The following DGKB variants were observed in gnomAD, a reference collection of about 807,000 sequenced individuals.
DGKB encodes the protein 90 kDa diacylglycerol kinase.
In DGKB, 67 loss-of-function variants were observed where a neutral mutation model predicts 114.3. The observed-to-expected ratio is 0.59, with a 90% CI of 0.48 to 0.72. The LOEUF is 0.72. Ranked by LOEUF, DGKB falls within the 30% of genes least tolerant of loss-of-function variation. The pLI, the probability that DGKB is intolerant of heterozygous loss-of-function variation, is 0.00. For missense variants in DGKB, 907 were observed against 975.2 expected, an observed-to-expected ratio of 0.93 and a Z score of 0.93; for synonymous variants, 398 against 323.1, an observed-to-expected ratio of 1.23 and a Z score of -2.49.
At position 14,356,352 on chromosome 7, in the gene DGKB, C is replaced by CTTTTTTTTT. The variant is rs997102742; in HGVS notation, c.1836-10970_1836-10962dup. On this transcript the variant is annotated intron_variant, in intron 21 of 25. Coordinates refer to ENST00000402815, the MANE Select transcript of DGKB (RefSeq NM_001350709.2). ...TTTGTTTGCTCTTGCTTCTCTAGTTCTTTTTTTTTTTTTTTTTTTTTTTTT... is the reference window on the plus strand; with the variant it reads ...TTTGTTTGCTCTTGCTTCTCTAGTTCTTTTTTTTTTTTTTTTTTTTTTTTTTTTTTTTTT... Among the ~76,000 whole-genome samples, 24 of 77,222 alleles carry CTTTTTTTTT rather than the reference C, an allele frequency of 3.1e-4. 1 individual carries two copies. The highest frequency in any genetic ancestry group is 3.8e-4 in the East Asian group (1 of 2,602). The allele number at this position is 77,222 out of a possible 152,430, so 50.7% of individuals were successfully genotyped here.
intron 25 of DGKB, 42 bp from the exon 26 acceptor site, chr7:14,149,280 A>C: frequency 7.0e-7 from 1 of 1,436,394 alleles, no homozygotes; most frequent in Non-Finnish European, 9.7e-7. Context: ...GAATAGAGTA[A>C]TCTCCAGATA....
chr7:14,344,962 A>G (rs567588898), intron 22 of DGKB, among the ~76,000 whole-genome samples: 1 of 151,682 alleles, frequency 6.6e-6, no homozygotes, highest in Admixed American at 6.6e-5. Context: ...CCCGAAAATA[A>G]TATTTTTTAT....
At chr7:14,179,906 T>A (rs1782384102) in intron 23 of DGKB, among the ~76,000 whole-genome samples, 1 of 152,222 alleles carries the variant, frequency 6.6e-6, no homozygotes, top group South Asian at 2.1e-4. Context: ...TGAAACTTAT[T>A]CTGTGTTTCT....
intron 21 of DGKB, among the ~76,000 whole-genome samples, chr7:14,389,397 A>C (rs1016534252): frequency 6.6e-6 from 1 of 152,186 alleles, no homozygotes; most frequent in South Asian, 2.1e-4. Flanking sequence ...AGCTTGGTGA[A>C]CTTGAGAGCT....
chr7:14,273,121 G>T (rs1207323858), intron 23 of DGKB, among the ~76,000 whole-genome samples: 1 of 152,126 alleles, frequency 6.6e-6, no homozygotes, highest in Non-Finnish European at 1.5e-5. Context: ...GAGGCAGGTG[G>T]ATGGCTTGAG....
In DGKB at chr7:14,201,075, AAAC is replaced by A. The variant is rs540695171; in HGVS notation, c.2123-22927_2123-22925del. 2.7e-3 allele frequency among the ~76,000 whole-genome samples: 404 copies of A among 152,124 alleles called. 1 individual carries two copies. Among genetic ancestry groups the A allele is most frequent in the Non-Finnish European group, 4.6e-3 (312 of 67,944 alleles). ...AAATACCATAAACTGGATCGCATAT[AAAC>A]AACAATGTATTTCTCACAGTTCTGG... On this transcript the variant is annotated intron_variant, in intron 23 of 25. Transcript: ENST00000402815.
At chr7:14,603,733 A>C (rs1803984247) in intron 17 of DGKB, among the ~76,000 whole-genome samples, 2 of 152,106 alleles carry the variant, frequency 1.3e-5, no homozygotes, top group Admixed American at 1.3e-4. Flanking sequence ...CTCACACACA[A>C]TTAATTATTC....
intron 21 of DGKB, among the ~76,000 whole-genome samples, chr7:14,441,337 GCT>G (rs1830064359): frequency 6.6e-6 from 1 of 151,886 alleles, no homozygotes; most frequent in African/African-American, 2.4e-5. Flanking sequence ...CTGCAGATTG[GCT>G]TGTCTTCCTC....
At chr7:14,656,872 G>C (rs1446421485) in intron 13 of DGKB, among the ~76,000 whole-genome samples, 2 of 151,212 alleles carry the variant, frequency 1.3e-5, no homozygotes, top group Non-Finnish European at 3.0e-5. Context: ...AAAAACAATT[G>C]TCTACAACAC....
chr7:14,832,992 T>C (rs1846635661), intron 2 of DGKB, among the ~76,000 whole-genome samples: 1 of 152,098 alleles, frequency 6.6e-6, no homozygotes, highest in South Asian at 2.1e-4. Context: ...CTCTAAATTA[T>C]TTCTTTTTGT....
intron 1 of DGKB, among the ~76,000 whole-genome samples, chr7:14,922,353 C>A (rs952401678): frequency 6.8e-6 from 1 of 146,940 alleles, no homozygotes; most frequent in Admixed American, 6.9e-5. Flanking sequence ...GTATATATGT[C>A]TACATATATA....
chr7:14,746,334 CA>C (rs1164794273), intron 4 of DGKB, among the ~76,000 whole-genome samples: 1 of 150,610 alleles, frequency 6.6e-6, no homozygotes, highest in African/African-American at 2.4e-5. Context: ...ACTCCATATA[CA>C]AAAAAAAGGA....
intron 9 of DGKB, among the ~76,000 whole-genome samples, chr7:14,692,362 A>G (rs1823018930): frequency 6.6e-6 from 1 of 152,076 alleles, no homozygotes; most frequent in Non-Finnish European, 1.5e-5. Flanking sequence ...GTTTAGCTTT[A>G]CAAACATAAA....
intron 22 of DGKB, among the ~76,000 whole-genome samples, chr7:14,339,342 A>T (rs546767548): frequency 6.6e-6 from 1 of 150,834 alleles, no homozygotes; most frequent in African/African-American, 2.4e-5. Context: ...CAGTTGTCCA[A>T]ATGAATATGG....
intron 2 of DGKB, among the ~76,000 whole-genome samples, chr7:14,797,338 T>G (rs1184223320): frequency 2.0e-5 from 3 of 152,204 alleles, no homozygotes; most frequent in African/African-American, 7.2e-5. Flanking sequence ...ATGTTAATAT[T>G]TCTTCTAGCC....
intron 1 of DGKB, among the ~76,000 whole-genome samples, chr7:14,849,906 G>C (rs1021580926): frequency 5.9e-5 from 9 of 152,168 alleles, no homozygotes; most frequent in Non-Finnish European, 1.2e-4. Flanking sequence ...TATGGGGCAA[G>C]AGTGTAGTGG....
intron 23 of DGKB, among the ~76,000 whole-genome samples, chr7:14,295,612 AC>A (rs1351169537): frequency 6.6e-6 from 1 of 152,004 alleles, no homozygotes; most frequent in Admixed American, 6.6e-5. Context: ...TATTTTCAAT[AC>A]AACTATCTCA....
intron 1 of DGKB, among the ~76,000 whole-genome samples, chr7:14,916,436 T>C (rs1378675683): frequency 5.9e-5 from 9 of 152,094 alleles, no homozygotes; most frequent in Non-Finnish European, 7.4e-5. Context: ...TCAACAAATA[T>C]ATTAAAGGGA....
intron 1 of DGKB, among the ~76,000 whole-genome samples, chr7:14,948,251 G>T (rs891831826): frequency 4.0e-5 from 6 of 151,702 alleles, no homozygotes; most frequent in Admixed American, 3.3e-4. Context: ...TTATAAAAAT[G>T]TTTAACAACT....
Sources: allele counts gnomAD v4.1 joint callset (sites outside exome capture counted in the v4.1 genomes callset), GRCh38; gene constraint gnomAD v4.1.1; transcripts MANE v1.5; gene names NCBI Gene and HGNC (gene_info 2026-07-23, HGNC 2026-07-21).